DLK1: variants seen among roughly 807,000 people sequenced by gnomAD.
DLK1 encodes delta like non-canonical Notch ligand 1.
In DLK1, 9 loss-of-function variants were observed where a neutral mutation model predicts 35.2. The observed-to-expected ratio is 0.26, with a 90% CI of 0.15 to 0.45. The LOEUF is 0.45. Among genes scored for constraint, DLK1 ranks in the 20% least tolerant of loss-of-function variants. DLK1 has a pLI of 1.00. For missense variants in DLK1, 522 were observed against 528.5 expected (o/e 0.99, Z 0.12); for synonymous variants, 231 against 228.4 (o/e 1.01, Z -0.10).
rs2036540112 is a variant in DLK1, at chr14:100,734,127, C to G, written c.405-22C>G. 6.3e-7 allele frequency: 1 copy of G among 1,579,076 alleles called. No individual in the cohort carries two copies. The highest frequency in any genetic ancestry group is 1.3e-5 in the African/African-American group (1 of 74,486). On this transcript the variant is annotated intron_variant, in intron 4 of 4. Transcript: ENST00000341267. The surrounding 1 kb of genome is among the most constrained non-coding windows in gnomAD (Gnocchi z 7.4). ...GTAGCCTAGCCCCTGAGGCCGTTTA[C>G]TATGTCCCTGTTGTGTTGCAGCTCC...
intron 4 of DLK1, among the ~76,000 whole-genome samples, chr14:100,732,390 C>G (rs561748653): frequency 7.2e-5 from 11 of 152,200 alleles, no homozygotes; most frequent in African/African-American, 2.4e-4. Context: ...ATCCTGAAGG[C>G]GATTTCATAT....
In DLK1 at chr14:100,734,715, T is replaced by A. The variant is rs772138048; in HGVS notation, c.971T>A (p.Ile324Asn). ...CTGGTGGTGCTGGGCACTGTGGGTA[T>A]CGTCTTCCTCAACAAGTGCGAGACC... is the stretch of plus-strand genomic sequence containing the variant. ...TSLVVLGTVG[I>N]VFLNKCETWV... The change falls in exon 5 of 5, where the codon ATC becomes AAC. Residue 324 changes from isoleucine to asparagine, a missense_variant. By Grantham distance (149) the Ile-to-Asn change is moderately radical (BLOSUM62 -3). Coordinates refer to ENST00000341267, the MANE Select transcript of DLK1 (RefSeq NM_003836.7). The surrounding 1 kb of genome is among the most constrained non-coding windows in gnomAD (Gnocchi z 7.4). The A allele has an allele frequency of 2.5e-6, 4 of 1,614,110 alleles. No homozygotes were observed. In the South Asian group the frequency reaches 4.4e-5, roughly 18 times the overall value.
chr14:100,732,846 G>A (rs990141328), intron 4 of DLK1, among the ~76,000 whole-genome samples: 19 of 152,126 alleles, frequency 1.2e-4, no homozygotes, highest in Admixed American at 9.8e-4. Flanking sequence ...ATCCCTCCCC[G>A]CTGGATGGGG....
chr14:100,733,393 C>A (rs1031198058), intron 4 of DLK1, among the ~76,000 whole-genome samples: 4 of 152,152 alleles, frequency 2.6e-5, no homozygotes, highest in Non-Finnish European at 5.9e-5. Context: ...ATTAAATGCT[C>A]CTTGTACTCC....
At chr14:100,728,494 G>C (rs757474355) in intron 2 of DLK1, 35 bp downstream of exon 2, 2 of 1,611,842 alleles carry the variant, frequency 1.2e-6, no homozygotes, top group Non-Finnish European at 1.7e-6. Flanking sequence ...AGCTTGTAGG[G>C]GCCACGCAGA....
At chr14:100,728,092 G>A (rs1389688936) in intron 1 of DLK1, among the ~76,000 whole-genome samples, 1 of 152,200 alleles carries the variant, frequency 6.6e-6, no homozygotes, top group Non-Finnish European at 1.5e-5. Flanking sequence ...CCGCTGTTAG[G>A]AGGACTTGAG....
At position 100,729,022 on chromosome 14, in the gene DLK1, A is replaced by T. The variant is rs34686110; in HGVS notation, c.218A>T (p.Gln73Leu). 3.4e-3 allele frequency: 5,470 copies of T among 1,614,052 alleles called. 157 individuals are homozygous for T. The African/African-American group carries it at 0.066, about 19-fold the overall frequency. Residue 73 changes from glutamine to leucine, a missense_variant, in exon 3 of 5, where the codon CAG (glutamine) becomes CTG (leucine). Gln to Leu is a moderately radical substitution (Grantham distance 113). Transcript: ENST00000341267. ...CACGGACTCTGTGGAGAACCCGGGC[A>T]GTGCATTTGCACCGACGGCTGGGAC... ...CLHGLCGEPG[Q>L]CICTDGWDGE... is the part of the protein sequence containing the mutation.
rs757946527 is a variant in DLK1 at position 100,734,658 on chromosome 14, T to C, written c.914T>C (p.Ile305Thr). The change falls in exon 5 of 5, where the codon ATC becomes ACC. Residue 305 changes from isoleucine (I) to threonine (T), a missense_variant. Ile to Thr is a moderately conservative substitution (Grantham distance 89, BLOSUM62 -1). Transcript: ENST00000341267. The surrounding 1 kb of genome is among the most constrained non-coding windows in gnomAD (Gnocchi z 7.4). ...CCTCTCCTCACCGAGGGCCAGGCCA[T>C]CTGCTTCACCATCCTGGGCGTGCTC... ...KTPLLTEGQA[I>T]CFTILGVLTS... The C allele has an allele frequency of 2.4e-5, 38 of 1,613,894 alleles. No homozygotes were observed. Among genetic ancestry groups the C allele is most frequent in the Non-Finnish European group, 3.1e-5 (37 of 1,180,030 alleles).
At chr14:100,728,074 C>G (rs2036457918) in intron 1 of DLK1, among the ~76,000 whole-genome samples, 1 of 152,176 alleles carries the variant, frequency 6.6e-6, no homozygotes, top group Non-Finnish European at 1.5e-5. Context: ...CCTCCACGGT[C>G]CCCGTCCCCG....
At chr14:100,728,036 G>A (rs1045554978) in intron 1 of DLK1, among the ~76,000 whole-genome samples, 13 of 152,168 alleles carry the variant, frequency 8.5e-5, no homozygotes, top group African/African-American at 3.1e-4. Context: ...TGACGGTCAG[G>A]CTGCATGCCC....
chr14:100,733,463 C>T (rs555488913), intron 4 of DLK1, among the ~76,000 whole-genome samples: 1 of 152,354 alleles, frequency 6.6e-6, no homozygotes, highest in South Asian at 2.1e-4. Context: ...CACTATTAAA[C>T]AGCCTGGTAC....
In DLK1 at chr14:100,737,523, A is replaced by G. The variant is rs2036587412; in HGVS notation, c.*2627A>G. 1 of 152,230 alleles carries G rather than the reference A, an allele frequency of 6.6e-6. No homozygotes were observed. The highest frequency in any genetic ancestry group is 2.4e-5 in the African/African-American group (1 of 41,448). 9.4% of individuals were successfully genotyped at this position (152,230 alleles called of 1,614,324 possible). A position where few individuals can be genotyped will look rare whatever the true frequency, so the allele number is the denominator to read the frequency against. On this transcript the variant is annotated 3_prime_UTR_variant, in exon 5 of 5. Transcript: ENST00000341267. The stretch of plus-strand genomic sequence containing the variant: ...GAAAAAGACGTCCCACGGTCGAGGT[A>G]TCCTTGACCAACTCCCCATCCATTC...
At position 100,734,604 on chromosome 14, in the gene DLK1, T is replaced by C; in HGVS notation, c.860T>C (p.Val287Ala). The stretch of plus-strand genomic sequence containing the variant: ...CAGCCGGAGCACCGCATCCTGAAGG[T>C]GTCCATGAAAGAGCTCAACAAGAAA... ...VQQPEHRILKVSMKELNKKTP... is the reference protein window; with the variant it reads ...VQQPEHRILKASMKELNKKTP... The change falls in exon 5 of 5, where the codon GTG becomes GCG. Residue 287 changes from valine (V) to alanine (A), a missense_variant. Transcript: ENST00000341267. This position sits in a 1 kb window ranked among gnomAD's most constrained non-coding sequence, Gnocchi z 7.4. The C allele has an allele frequency of 6.2e-7, 1 of 1,613,740 alleles. No homozygotes were observed.
intron 3 of DLK1, among the ~76,000 whole-genome samples, chr14:100,730,896 G>A (rs1230286451): frequency 2.6e-5 from 4 of 152,126 alleles, no homozygotes; most frequent in Non-Finnish European, 5.9e-5. Context: ...TCCCCTCCAC[G>A]AGGGTGTGGG....
rs747210408 is a variant in DLK1, at chr14:100,735,286, A to C, written c.*390A>C. 1 of 175,468 alleles carries C rather than the reference A, an allele frequency of 5.7e-6. No individual in the cohort carries two copies. The highest frequency in any genetic ancestry group is 1.2e-5 in the Non-Finnish European group (1 of 83,932). 10.9% of individuals were successfully genotyped at this position (175,468 alleles called of 1,614,324 possible). ...CGTGAAACCGTTACGAGTGCTGTAC[A>C]TGACCACCCACTGTGCAAAGAGCTA... On this transcript the variant is annotated 3_prime_UTR_variant, in exon 5 of 5. Coordinates refer to ENST00000341267, the MANE Select transcript of DLK1 (RefSeq NM_003836.7).
rs185368111 is a variant in DLK1, at chr14:100,737,871, A to G, written c.*2975A>G. ...TCGCACTACCCCCCCCGTGCCACAG[A>G]AGCAGTGTCAGCAGCCTCGCCACGG... On this transcript the variant is annotated 3_prime_UTR_variant, in exon 5 of 5. Transcript: ENST00000341267. The G allele has an allele frequency of 6.6e-6, 1 of 152,358 alleles. No homozygotes were observed. Among genetic ancestry groups the G allele is most frequent in the African/African-American group, 2.4e-5 (1 of 41,562 alleles). 9.4% of individuals were successfully genotyped at this position (152,358 alleles called of 1,614,324 possible). A position where few individuals can be genotyped will look rare whatever the true frequency, so the allele number is the denominator to read the frequency against.
At chr14:100,729,203 G>T (rs1237316514) in intron 3 of DLK1, 137 bp downstream of exon 3, 2 of 1,465,592 alleles carry the variant, frequency 1.4e-6, no homozygotes, top group Non-Finnish European at 9.3e-7. Flanking sequence ...GTATTCTAAA[G>T]ATCTGTTTAT....
In DLK1 at chr14:100,738,156, T is replaced by G. The variant is rs2036594937; in HGVS notation, c.*3260T>G. 6.6e-6 allele frequency: 1 copy of G among 152,222 alleles called. No individual in the cohort carries two copies. The highest frequency in any genetic ancestry group is 1.5e-5 in the Non-Finnish European group (1 of 68,048). The allele number at this position is 152,222 out of a possible 1,614,324, so 9.4% of individuals were successfully genotyped here. On this transcript the variant is annotated 3_prime_UTR_variant, in exon 5 of 5. Transcript: ENST00000341267. ...ATGTCCTTGGCGCTCTTTTTAGCTTTCCCGTTTACTACCAGTCCAGACATG... is the reference window on the plus strand; with the variant it reads ...ATGTCCTTGGCGCTCTTTTTAGCTTGCCCGTTTACTACCAGTCCAGACATG...
Position 100,734,132 on chromosome 14 carries a change from T to A in DLK1, c.405-17T>A. On this transcript the variant is annotated splice_polypyrimidine_tract_variant and intron_variant, in intron 4 of 4. Transcript: ENST00000341267. This position sits in a 1 kb window ranked among gnomAD's most constrained non-coding sequence, Gnocchi z 7.4. ...CTAGCCCCTGAGGCCGTTTACTATG[T>A]CCCTGTTGTGTTGCAGCTCCCCCTG... 1 of 1,587,722 alleles carries A rather than the reference T, an allele frequency of 6.3e-7. No individual in the cohort carries two copies. The highest frequency in any genetic ancestry group is 8.6e-7 in the Non-Finnish European group (1 of 1,167,678).
Sources: gnomAD v4.1 joint callset for allele counts (sites outside exome capture counted in the v4.1 genomes callset) on GRCh38, gnomAD v4.1.1 for gene constraint, Gnocchi (gnomAD v3.1) non-coding constraint, MANE v1.5 for transcripts, NCBI Gene and HGNC (gene_info 2026-07-23, HGNC 2026-07-21) for gene names.